Variants in IQANK1 observed in about 807,000 individuals in gnomAD.
IQANK1 encodes the protein IQ motif and ankyrin repeat domain-containing protein 1.
In IQANK1, 30 loss-of-function variants were observed where a neutral mutation model predicts 22.6. That is an observed-to-expected ratio of 1.33 (90% CI 0.99 to 1.80). The LOEUF is 1.80. IQANK1 is among the 40% of genes most tolerant of loss of function. IQANK1 has a pLI of 0.00. For synonymous variants in IQANK1, 122 were observed against 99.6 expected, an observed-to-expected ratio of 1.23 and a Z score of -1.34; for missense variants, 275 against 235.2, an observed-to-expected ratio of 1.17 and a Z score of -1.11.
intron 7 of IQANK1, among the ~76,000 whole-genome samples, chr8:143,773,300 C>CAAAAAAAAA (rs1185632785): frequency 7.5e-5 from 6 of 79,696 alleles, no homozygotes; most frequent in South Asian, 4.1e-4. Context: ...GAGTGAGACT[C>CAAAAAAAAA]AAAAAAAAAA....
Position 143,774,809 on chromosome 8 carries a change from G to A in IQANK1, c.789+2327G>A, listed in dbSNP as rs1158429308. 4.6e-5 allele frequency among the ~76,000 whole-genome samples: 7 copies of A among 152,188 alleles called. No homozygotes were observed. Among genetic ancestry groups the A allele is most frequent in the African/African-American group, 9.7e-5 (4 of 41,434 alleles). On this transcript the variant is annotated intron_variant, in intron 7 of 13. Transcript: ENST00000527139. The surrounding 1 kb of genome is among the most constrained non-coding windows in gnomAD (Gnocchi z 4.2). ...TTGGTGCATTCCTGCCACGAAACAC[G>A]CTTGGCAATAAAACGGTGTGCACAC...
intron 3 of IQANK1, among the ~76,000 whole-genome samples, chr8:143,748,985 A>C (rs1379399926): frequency 8.9e-6 from 1 of 111,936 alleles, no homozygotes; most frequent in Non-Finnish European, 1.7e-5. Flanking sequence ...AATATATCAT[A>C]TATAAATATA....
At chr8:143,764,451 C>CAAAA (rs33978948) in intron 3 of IQANK1, among the ~76,000 whole-genome samples, 1 of 129,498 alleles carries the variant, frequency 7.7e-6, no homozygotes, top group African/African-American at 2.9e-5. Flanking sequence ...TCCGTCGCTA[C>CAAAA]AAAAAAAAAA....
intron 3 of IQANK1, among the ~76,000 whole-genome samples, chr8:143,749,368 AAT>A (rs1156873035): frequency 5.4e-5 from 7 of 130,826 alleles, no homozygotes; most frequent in African/African-American, 9.0e-5. Flanking sequence ...AAAATATATA[AAT>A]ATATATAAAT....
At chr8:143,737,262 G>A (rs1818765220) in intron 2 of IQANK1, among the ~76,000 whole-genome samples, 1 of 152,186 alleles carries the variant, frequency 6.6e-6, no homozygotes, top group Non-Finnish European at 1.5e-5. Flanking sequence ...GCAGGGGTGG[G>A]GGCTGTGCTC....
rs1482737369 is a variant in IQANK1, at chr8:143,758,016, G to C, written c.176-13472G>C. 1 of 152,164 alleles carries C rather than the reference G, an allele frequency of 6.6e-6. No individual in the cohort carries two copies. Among genetic ancestry groups the C allele is most frequent in the Non-Finnish European group, 1.5e-5 (1 of 68,034 alleles). The allele number at this position is 152,164 out of a possible 1,614,324, so 9.4% of individuals were successfully genotyped here. Reference sequence around the variant, plus strand: ...AGTGTATCAGTTCATGCTTTTGGGGGTCAAGACAATAAAGATCTCTGGATT... The same window carrying C: ...AGTGTATCAGTTCATGCTTTTGGGGCTCAAGACAATAAAGATCTCTGGATT... On this transcript the variant is annotated intron_variant, in intron 3 of 13. Transcript: ENST00000527139. The surrounding 1 kb of genome is among the most constrained non-coding windows in gnomAD (Gnocchi z 4.2).
chr8:143,768,806 G>C (rs1554629446), intron 3 of IQANK1, among the ~76,000 whole-genome samples: 4 of 152,122 alleles, frequency 2.6e-5, no homozygotes. Flanking sequence ...ACCTTCCCAA[G>C]ATTGCTTATT....
At chr8:143,738,624 G>A (rs1818808281) in intron 2 of IQANK1, among the ~76,000 whole-genome samples, 2 of 152,238 alleles carry the variant, frequency 1.3e-5, no homozygotes, top group South Asian at 2.1e-4. Context: ...AGGAGGCAGC[G>A]CAGCAGCCAG....
intron 3 of IQANK1, among the ~76,000 whole-genome samples, chr8:143,768,310 T>C (rs1481129312): frequency 6.6e-6 from 1 of 152,078 alleles, no homozygotes; most frequent in Non-Finnish European, 1.5e-5. Flanking sequence ...CTCGATCACT[T>C]AGTAGGAGGG....
At chr8:143,763,913 C>T (rs1286583872) in intron 3 of IQANK1, among the ~76,000 whole-genome samples, 1 of 152,184 alleles carries the variant, frequency 6.6e-6, no homozygotes, top group Non-Finnish European at 1.5e-5. Flanking sequence ...TATGAATACA[C>T]TGGGGACTTA....
At position 143,774,638 on chromosome 8, in the gene IQANK1, T is replaced by C. The variant is rs1397495628; in HGVS notation, c.789+2156T>C. Among the ~76,000 whole-genome samples, 3 of 152,166 alleles carry C rather than the reference T, an allele frequency of 2.0e-5. No homozygotes were observed. Among genetic ancestry groups the C allele is most frequent in the African/African-American group, 7.2e-5 (3 of 41,430 alleles). ...AACACATTTACCATGTAACACAGCA[T>C]CAGACTCCTAGACATTTGCTCCAGT... On this transcript the variant is annotated intron_variant, in intron 7 of 13. Transcript: ENST00000527139. The surrounding 1 kb of genome is among the most constrained non-coding windows in gnomAD (Gnocchi z 4.2).
intron 7 of IQANK1, among the ~76,000 whole-genome samples, chr8:143,776,876 G>A (rs1371551013): frequency 2.0e-5 from 3 of 152,098 alleles, no homozygotes; most frequent in Non-Finnish European, 4.4e-5. Flanking sequence ...CAGCCAGGGT[G>A]AAAAATCTCA....
chr8:143,752,158 G>T (rs1554628125), intron 3 of IQANK1, among the ~76,000 whole-genome samples: 1 of 152,048 alleles, frequency 6.6e-6, no homozygotes, highest in Non-Finnish European at 1.5e-5. Context: ...TAGAGACAGG[G>T]TTTCACCATG....
At chr8:143,741,441 A>G (rs367807015) in intron 3 of IQANK1, among the ~76,000 whole-genome samples, 3 of 152,268 alleles carry the variant, frequency 2.0e-5, no homozygotes, top group East Asian at 3.9e-4. Context: ...GACCCCTGCC[A>G]TGGTGCCTCT....
chr8:143,776,099 A>T (rs1819677585), intron 7 of IQANK1, among the ~76,000 whole-genome samples: 1 of 151,520 alleles, frequency 6.6e-6, no homozygotes, highest in South Asian at 2.1e-4. Flanking sequence ...AGGCGGGCAG[A>T]TTACGGGGTC....
intron 3 of IQANK1, among the ~76,000 whole-genome samples, chr8:143,756,391 C>T (rs1554628475): frequency 1.3e-5 from 2 of 152,146 alleles, no homozygotes; most frequent in Non-Finnish European, 1.5e-5. Flanking sequence ...CCATGAGGAG[C>T]TTCCCAGGAT....
intron 3 of IQANK1, among the ~76,000 whole-genome samples, chr8:143,747,829 T>C (rs996481837): frequency 2.6e-5 from 4 of 152,182 alleles, no homozygotes; most frequent in African/African-American, 9.7e-5. Flanking sequence ...ATATCCCATG[T>C]ACACTTGAGA....
intron 7 of IQANK1, among the ~76,000 whole-genome samples, chr8:143,782,466 GCTTTT>G (rs1554631027): frequency 6.6e-6 from 1 of 151,602 alleles, no homozygotes; most frequent in East Asian, 1.9e-4. Context: ...TTACTTTCTT[GCTTTT>G]CTTTTTTTCT....
At chr8:143,747,684 A>T (rs1819057511) in intron 3 of IQANK1, among the ~76,000 whole-genome samples, 1 of 151,870 alleles carries the variant, frequency 6.6e-6, no homozygotes, top group Admixed American at 6.6e-5. Flanking sequence ...CCATTTTGTG[A>T]ATTTTCCACT....
Sources: allele counts gnomAD v4.1 joint callset (sites outside exome capture counted in the v4.1 genomes callset), GRCh38; gene constraint gnomAD v4.1.1; non-coding constraint Gnocchi (gnomAD v3.1); transcripts MANE v1.5; gene names NCBI Gene and HGNC (gene_info 2026-07-23, HGNC 2026-07-21).